SLC30A8: variants seen among roughly 807,000 people sequenced by gnomAD.
SLC30A8 encodes proton-coupled zinc antiporter SLC30A8.
A neutral mutation model predicts 36.9 loss-of-function variants in SLC30A8; 27 were observed. The observed-to-expected ratio is 0.73, with a 90% CI of 0.54 to 1.01. The LOEUF is 1.01. Among genes scored for constraint, SLC30A8 ranks in the 50% least tolerant of loss-of-function variants. The pLI, the probability that SLC30A8 is intolerant of heterozygous loss-of-function variation, is 0.00. For missense variants in SLC30A8, 439 were observed against 452.0 expected, an observed-to-expected ratio of 0.97 and a Z score of 0.26; for synonymous variants, 164 against 172.4, an observed-to-expected ratio of 0.95 and a Z score of 0.38.
chr8:117,119,337 G>A lies in SLC30A8; in HGVS notation c.-225-15943G>A, dbSNP rs535101505. ...CTTGGGCTAGAATCTTTGGGGAGTC[G>A]GTCCATATTGCTTTTTTCCCCCATC... On this transcript the variant is annotated intron_variant, in intron 2 of 10. Coordinates refer to the SLC30A8 transcript ENST00000427715. Among the ~76,000 whole-genome samples the A allele has an allele frequency of 9.2e-5, 14 of 151,798 alleles. No individual in the cohort carries two copies. In the East Asian group the frequency reaches 1.4e-3, roughly 15 times the overall value.
chr8:116,984,921 CT>C (rs967237735), intron 1 of SLC30A8, among the ~76,000 whole-genome samples: 10 of 151,730 alleles, frequency 6.6e-5, no homozygotes, highest in African/African-American at 1.5e-4. Flanking sequence ...ACTATGAACC[CT>C]TTTCTGGCGT....
chr8:116,989,318 A>G (rs745886949), intron 1 of SLC30A8, among the ~76,000 whole-genome samples: 20 of 152,178 alleles, frequency 1.3e-4, no homozygotes, highest in Non-Finnish European at 1.3e-4. Context: ...GCCATTGCCA[A>G]TGATTTAAGC....
At chr8:117,166,509 T>C (rs1281005601) in intron 6 of SLC30A8, among the ~76,000 whole-genome samples, 2 of 152,132 alleles carry the variant, frequency 1.3e-5, no homozygotes, top group Non-Finnish European at 2.9e-5. Context: ...AACACAGATA[T>C]CTGAGCCCAC....
intron 2 of SLC30A8, among the ~76,000 whole-genome samples, chr8:117,084,468 T>C (rs141418294): frequency 0.012 from 1,771 of 152,234 alleles, 53 homozygotes; most frequent in African/African-American, 0.04. Flanking sequence ...ATTAGAGTGT[T>C]CCAGAAAGAT....
At chr8:117,027,220 G>A (rs1204120351) in intron 1 of SLC30A8, among the ~76,000 whole-genome samples, 2 of 152,122 alleles carry the variant, frequency 1.3e-5, no homozygotes, top group African/African-American at 4.8e-5. Flanking sequence ...AGAAAAAGGA[G>A]GGGCTCATCT....
intron 1 of SLC30A8, among the ~76,000 whole-genome samples, chr8:117,027,040 C>T (rs1184600950): frequency 2.0e-5 from 3 of 152,010 alleles, no homozygotes; most frequent in African/African-American, 7.2e-5. Context: ...TGTAAATGCC[C>T]ATATAAATGT....
rs71569723 is a variant in SLC30A8, at chr8:117,160,403, TTGTG to T, written c.573-1306_573-1303del. Among the ~76,000 whole-genome samples, 1,251 of 145,896 alleles carry T rather than the reference TTGTG, an allele frequency of 8.6e-3. 5 individuals carry two copies. Among genetic ancestry groups the T allele is most frequent in the South Asian group, 0.027 (120 of 4,454 alleles). On this transcript the variant is annotated intron_variant, in intron 4 of 7. Coordinates refer to ENST00000456015, the MANE Select transcript of SLC30A8 (RefSeq NM_173851.3). Reference sequence around the variant, plus strand: ...ACTTATTGTAATTAGAATTTTCCACTTGTGTGTGTGTGTGTGTGTGTGTGTGTGT... The same window carrying T: ...ACTTATTGTAATTAGAATTTTCCACTTGTGTGTGTGTGTGTGTGTGTGTGT...
chr8:117,004,373 T>C (rs747093752), intron 1 of SLC30A8, among the ~76,000 whole-genome samples: 2 of 152,192 alleles, frequency 1.3e-5, no homozygotes, highest in African/African-American at 4.8e-5. Context: ...TGCCATAAGG[T>C]CTAAACCTTG....
chr8:117,158,898 T>C (rs1184967628), intron 4 of SLC30A8, among the ~76,000 whole-genome samples: 1 of 152,236 alleles, frequency 6.6e-6, no homozygotes, highest in Non-Finnish European at 1.5e-5. Flanking sequence ...TTAAATCATA[T>C]GGCAAAAGGA....
At position 117,162,258 on chromosome 8, in the gene SLC30A8, A is replaced by C. The variant is rs1399785961; in HGVS notation, c.723+370A>C. Among the ~76,000 whole-genome samples the C allele has an allele frequency of 2.0e-5, 3 of 152,188 alleles. No homozygotes were observed. In the East Asian group the frequency reaches 5.8e-4, roughly 29 times the overall value. ...CTGTCCCAGACACCACACTGAAATA[A>C]ATGTGTCTCAACAAATTTTTTTTTC... On this transcript the variant is annotated intron_variant, in intron 5 of 7. Coordinates refer to ENST00000456015, the MANE Select transcript of SLC30A8 (RefSeq NM_173851.3).
chr8:117,018,674 C>CT (rs1563750411), intron 1 of SLC30A8, among the ~76,000 whole-genome samples: 60 of 119,608 alleles, frequency 5.0e-4, no homozygotes, highest in African/African-American at 1.2e-3. Flanking sequence ...CCCCCCCCCC[C>CT]CTTTTTTTTT....
upstream of SLC30A8, chr8:116,950,380 C>A (rs1813950396): frequency 6.6e-6 from 1 of 152,340 alleles, no homozygotes. Context: ...ACTCTAGAAT[C>A]CTGCGGTAAA....
chr8:117,020,935 C>T (rs180718869), intron 1 of SLC30A8, among the ~76,000 whole-genome samples: 14 of 151,918 alleles, frequency 9.2e-5, no homozygotes, highest in African/African-American at 1.9e-4. Context: ...CAGTGGTATT[C>T]GTCGGAATGG....
chr8:117,152,869 C>T lies in SLC30A8; in HGVS notation c.272-75C>T, dbSNP rs566257547. 27 of 1,232,336 alleles carry T rather than the reference C, an allele frequency of 2.2e-5. No homozygotes were observed. The African/African-American group carries it at 3.1e-4, about 14-fold the overall frequency. 76.3% of individuals were successfully genotyped at this position (1,232,336 alleles called of 1,614,324 possible). On this transcript the variant is annotated intron_variant, in intron 2 of 7. Coordinates refer to ENST00000456015, the MANE Select transcript of SLC30A8 (RefSeq NM_173851.3). The stretch of plus-strand genomic sequence containing the variant: ...TTTGTGAGTCTGTGGCATTTTCACC[C>T]ATGATGGTTAGCATGTCTGTGAATC...
At chr8:117,161,035 G>C (rs778434699) in intron 4 of SLC30A8, among the ~76,000 whole-genome samples, 1 of 152,108 alleles carries the variant, frequency 6.6e-6, no homozygotes, top group Non-Finnish European at 1.5e-5. Context: ...TATGTACATA[G>C]TTTGTAGTGT....
intron 1 of SLC30A8, 58 bp downstream of exon 1, chr8:117,135,456 A>G: frequency 2.9e-6 from 4 of 1,379,726 alleles, no homozygotes; most frequent in Middle Eastern, 1.9e-4. Context: ...TCCAATTCCT[A>G]TACCTTGTTG....
At chr8:117,079,998 T>C (rs1220984639) in intron 2 of SLC30A8, among the ~76,000 whole-genome samples, 1 of 152,200 alleles carries the variant, frequency 6.6e-6, no homozygotes, top group African/African-American at 2.4e-5. Context: ...TTGGTGTACA[T>C]TGGATGCATC....
At chr8:116,999,654 C>T (rs1005839545) in intron 1 of SLC30A8, among the ~76,000 whole-genome samples, 1 of 152,176 alleles carries the variant, frequency 6.6e-6, no homozygotes, top group Non-Finnish European at 1.5e-5. Context: ...CTGACACAGA[C>T]TTTACTTATT....
intron 1 of SLC30A8, among the ~76,000 whole-genome samples, chr8:117,036,992 T>C (rs1476476928): frequency 6.6e-6 from 1 of 151,842 alleles, no homozygotes; most frequent in Non-Finnish European, 1.5e-5. Flanking sequence ...GAAAGAGAGA[T>C]GTGAGTAATA....
Sources: gnomAD v4.1 joint callset for allele counts (sites outside exome capture counted in the v4.1 genomes callset) on GRCh38, gnomAD v4.1.1 for gene constraint, MANE v1.5 for transcripts, NCBI Gene and HGNC (gene_info 2026-07-23, HGNC 2026-07-21) for gene names.